P2RX4: variants seen among roughly 807,000 people sequenced by gnomAD.
P2RX4 encodes the protein purinergic receptor P2X 4.
A neutral mutation model predicts 48.0 loss-of-function variants in P2RX4; 37 were observed. The ratio of observed to expected loss-of-function variants is 0.77; its 90% CI spans 0.59 to 1.01. The LOEUF is 1.01. Among genes scored for constraint, P2RX4 ranks in the 50% least tolerant of loss-of-function variants. The pLI is 0.00. For synonymous variants in P2RX4, 200 were observed against 199.7 expected, an observed-to-expected ratio of 1.00 and a Z score of -0.01; for missense variants, 501 against 521.4, an observed-to-expected ratio of 0.96 and a Z score of 0.38.
intron 8 of P2RX4, among the ~76,000 whole-genome samples, chr12:121,230,200 C>G (rs946865232): frequency 1.3e-5 from 2 of 152,144 alleles, no homozygotes; most frequent in African/African-American, 4.8e-5. Context: ...GCCAGCATGG[C>G]GAAACCCCAT....
In P2RX4 at chr12:121,217,169, C is replaced by G. The variant is rs760870388; in HGVS notation, c.170C>G (p.Thr57Ser). The change falls in exon 2 of 12, where the codon ACT becomes AGT. Residue 57 changes from threonine (T) to serine (S), a missense_variant. Thr to Ser is a moderately conservative substitution (Grantham distance 58). Coordinates refer to ENST00000337233, the MANE Select transcript of P2RX4 (RefSeq NM_002560.3). ...VFVWEKGYQE[T>S]DSVVSSVTTK... ...GTGTGGGAAAAGGGCTACCAGGAAA[C>G]TGACTCCGTGGTCAGCTCCGTTACG... is the stretch of plus-strand genomic sequence containing the variant. 1.9e-6 allele frequency: 3 copies of G among 1,614,092 alleles called. No individual in the cohort carries two copies. The highest frequency in any genetic ancestry group is 2.5e-6 in the Non-Finnish European group (3 of 1,180,028).
At chr12:121,219,937 T>C (rs1458734414) in intron 2 of P2RX4, among the ~76,000 whole-genome samples, 1 of 152,174 alleles carries the variant, frequency 6.6e-6, no homozygotes, top group African/African-American at 2.4e-5. Context: ...CTAGAATCTT[T>C]TGGGGTCTTT....
In P2RX4 at chr12:121,232,522, C is replaced by A; in HGVS notation, c.978+15C>A. 1.9e-6 allele frequency: 3 copies of A among 1,611,428 alleles called. No homozygotes were observed. The highest frequency in any genetic ancestry group is 2.5e-6 in the Non-Finnish European group (3 of 1,177,446). ...TGTTTGGGAAGGTAGCTCGCCGCCA[C>A]TGGCTCCCCTCCGTCACTCCCTGCA... is the stretch of plus-strand genomic sequence containing the variant. On this transcript the variant is annotated intron_variant, in intron 9 of 11. Coordinates refer to ENST00000337233, the MANE Select transcript of P2RX4 (RefSeq NM_002560.3). This position sits in a 1 kb window ranked among gnomAD's most constrained non-coding sequence, Gnocchi z 4.3.
intron 8 of P2RX4, among the ~76,000 whole-genome samples, chr12:121,230,980 A>ATT (rs1167058962): frequency 7.0e-5 from 9 of 129,190 alleles, no homozygotes; most frequent in African/African-American, 2.7e-4. Flanking sequence ...TTATATATAT[A>ATT]TATTTTTTTT....
chr12:121,233,993 G>A lies in P2RX4; in HGVS notation c.*444G>A. On this transcript the variant is annotated 3_prime_UTR_variant, in exon 12 of 12. Transcript: ENST00000337233. ...ACTAGACTTGTAGCAGGCCTGGGCT[G>A]CAGGCTTCCCCCCGACCATTCCCTG... is the stretch of plus-strand genomic sequence containing the variant. 2 of 212,872 alleles carry A rather than the reference G, an allele frequency of 9.4e-6. No homozygotes were observed. Among genetic ancestry groups the A allele is most frequent in the Non-Finnish European group, 1.9e-5 (2 of 102,918 alleles). The allele number at this position is 212,872 out of a possible 1,614,324, so 13.2% of individuals were successfully genotyped here. A position where few individuals can be genotyped will look rare whatever the true frequency, so the allele number is the denominator to read the frequency against.
intron 5 of P2RX4, among the ~76,000 whole-genome samples, chr12:121,227,487 T>C (rs1308162445): frequency 6.6e-6 from 1 of 152,178 alleles, no homozygotes; most frequent in Non-Finnish European, 1.5e-5. Context: ...GCAAATTTAC[T>C]TTTGCTTTGA....
rs746020094 is a variant in P2RX4 at position 121,210,144 on chromosome 12, C to T, written c.-21C>T. On this transcript the variant is annotated 5_prime_UTR_variant, in exon 1 of 12. Transcript: ENST00000337233. The stretch of plus-strand genomic sequence containing the variant: ...ACTGGGACCCAGACCGACTAGGGGA[C>T]TGGGAGCGGGCGGCGCGGCCATGGC... 6.6e-6 allele frequency: 10 copies of T among 1,517,128 alleles called. No homozygotes were observed. The South Asian group carries it at 1.2e-4, about 19-fold the overall frequency. The allele number at this position is 1,517,128 out of a possible 1,614,324, so 94.0% of individuals were successfully genotyped here. A position where few individuals can be genotyped will look rare whatever the true frequency, so the allele number is the denominator to read the frequency against.
intron 2 of P2RX4, among the ~76,000 whole-genome samples, chr12:121,220,257 G>A (rs1886510718): frequency 6.6e-6 from 1 of 152,132 alleles, no homozygotes; most frequent in Non-Finnish European, 1.5e-5. Flanking sequence ...CTTTCCCTCA[G>A]TAAGTCAAGT....
chr12:121,228,893 C>A (rs1221851362), intron 7 of P2RX4, 27 bp downstream of exon 7: 1 of 1,614,086 alleles, frequency 6.2e-7, no homozygotes, highest in African/African-American at 1.3e-5. Context: ...GCTCTCCTGA[C>A]CCAGCCCTGG....
chr12:121,233,266 C>T, intron 11 of P2RX4, 174 bp downstream of exon 11: 1 of 640,238 alleles, frequency 1.6e-6, no homozygotes, highest in South Asian at 1.8e-5. Context: ...ATCCCTAGGC[C>T]CCTGTACTAG....
intron 1 of P2RX4, among the ~76,000 whole-genome samples, chr12:121,211,221 A>G (rs1885820795): frequency 6.6e-6 from 1 of 151,924 alleles, no homozygotes; most frequent in Admixed American, 6.6e-5. Context: ...TATTTTTTTG[A>G]GACGGAATTT....
Position 121,210,273 on chromosome 12 carries a change from C to T in P2RX4, c.109C>T (p.Leu37=). 1 of 1,554,478 alleles carries T rather than the reference C, an allele frequency of 6.4e-7. No homozygotes were observed. The change falls in exon 1 of 12, where the codon CTG becomes TTG. Residue 37 remains leucine, a synonymous_variant. Coordinates refer to ENST00000337233, the MANE Select transcript of P2RX4 (RefSeq NM_002560.3). ...KVGLMNRAVQ[L]LILAYVIGWV... ...GGGGCTCATGAACCGCGCCGTGCAA[C>T]TGCTCATCCTGGCCTACGTCATCGG...
intron 8 of P2RX4, among the ~76,000 whole-genome samples, chr12:121,230,983 T>TATATATATATA (rs1555238275): frequency 1.5e-5 from 2 of 130,092 alleles, no homozygotes; most frequent in Admixed American, 8.0e-5. Context: ...TATATATATA[T>TATATATATATA]TTTTTTTTTT....
chr12:121,212,611 A>G (rs1468006235), intron 1 of P2RX4, among the ~76,000 whole-genome samples: 1 of 149,796 alleles, frequency 6.7e-6, no homozygotes, highest in African/African-American at 2.5e-5. Context: ...AACATGGTAA[A>G]ACCCCGTCTC....
intron 1 of P2RX4, 78 bp downstream of exon 1, chr12:121,210,376 G>T (rs959455050): frequency 3.0e-6 from 4 of 1,327,352 alleles, no homozygotes; most frequent in Non-Finnish European, 3.9e-6. Flanking sequence ...TCCTGGCCTC[G>T]GTCACCTGGG....
intron 1 of P2RX4, chr12:121,214,544 T>C (rs1048681854): frequency 3.9e-5 from 6 of 152,238 alleles, no homozygotes; most frequent in African/African-American, 1.4e-4. Flanking sequence ...ATGAGTGGCA[T>C]GAAACCCTGT....
rs1003521200 is a variant in P2RX4 at position 121,229,939 on chromosome 12, G to A, written c.884+840G>A. Among the ~76,000 whole-genome samples the A allele has an allele frequency of 1.3e-5, 2 of 152,040 alleles. No homozygotes were observed. The highest frequency in any genetic ancestry group is 3.8e-4 in the East Asian group (2 of 5,196). The stretch of plus-strand genomic sequence containing the variant: ...GTATGACCTCATCTTAACAAATTAC[G>A]TCTGCCAATATCCCATTTCCAAATA... On this transcript the variant is annotated intron_variant, in intron 8 of 11. Coordinates refer to ENST00000337233, the MANE Select transcript of P2RX4 (RefSeq NM_002560.3). The surrounding 1 kb of genome is among the most constrained non-coding windows in gnomAD (Gnocchi z 4.6).
intron 2 of P2RX4, among the ~76,000 whole-genome samples, chr12:121,220,796 C>T (rs1231567853): frequency 1.3e-5 from 2 of 152,194 alleles, no homozygotes; most frequent in African/African-American, 4.8e-5. Flanking sequence ...ACTCCCCATT[C>T]CCCACTTCTC....
intron 2 of P2RX4, among the ~76,000 whole-genome samples, chr12:121,219,610 T>C (rs1260345460): frequency 8.2e-6 from 1 of 121,670 alleles, no homozygotes; most frequent in East Asian, 2.4e-4. Context: ...GATGGATGGA[T>C]GGATGGATAG....
Sources: gnomAD v4.1 joint callset for allele counts (sites outside exome capture counted in the v4.1 genomes callset) on GRCh38, gnomAD v4.1.1 for gene constraint, Gnocchi (gnomAD v3.1) non-coding constraint, MANE v1.5 for transcripts, NCBI Gene and HGNC (gene_info 2026-07-23, HGNC 2026-07-21) for gene names.